Variants in PKIB observed in about 807,000 individuals in gnomAD.
PKIB encodes cAMP-dependent protein kinase inhibitor beta.
PKIB carries 2 observed loss-of-function variants against 4.5 expected under a neutral mutation model. The ratio of observed to expected loss-of-function variants is 0.44; its 90% CI spans 0.18 to 1.39. PKIB has a LOEUF of 1.39. PKIB is among the 40% of genes most tolerant of loss of function. The probability of loss-of-function intolerance (pLI) is 0.27; values close to 1 mark genes in which losing one functional copy is unlikely to be tolerated. For missense variants in PKIB, 94 were observed against 92.6 expected, an observed-to-expected ratio of 1.02 and a Z score of -0.06; for synonymous variants, 38 against 36.0, an observed-to-expected ratio of 1.06 and a Z score of -0.20.
At chr6:122,543,311 A>G (rs1026738427) in intron 2 of PKIB, among the ~76,000 whole-genome samples, 30 of 151,270 alleles carry the variant, frequency 2.0e-4, no homozygotes, top group Non-Finnish European at 3.8e-4. Context: ...TGGGAACTGT[A>G]GACAGGAGCT....
At chr6:122,487,445 G>A (rs1269618265) in intron 2 of PKIB, among the ~76,000 whole-genome samples, 5 of 152,200 alleles carry the variant, frequency 3.3e-5, no homozygotes, top group Non-Finnish European at 2.9e-5. Context: ...CTAATCACCA[G>A]TGTGATGGTA....
intron 2 of PKIB, among the ~76,000 whole-genome samples, chr6:122,525,630 A>G (rs1247400787): frequency 1.3e-5 from 2 of 152,206 alleles, no homozygotes; most frequent in Admixed American, 1.3e-4. Context: ...GTGCAATAAT[A>G]TTATTTCTAA....
At chr6:122,700,502 T>C (rs1778768471) in intron 3 of PKIB, among the ~76,000 whole-genome samples, 1 of 152,156 alleles carries the variant, frequency 6.6e-6, no homozygotes. Flanking sequence ...AAAGGTAACA[T>C]AGGTATTTCT....
intron 2 of PKIB, among the ~76,000 whole-genome samples, chr6:122,637,668 A>G (rs1185645398): frequency 6.6e-6 from 1 of 151,888 alleles, no homozygotes; most frequent in East Asian, 1.9e-4. Flanking sequence ...AGGCAGGAGA[A>G]TGGCCTGAAC....
At chr6:122,497,847 C>T (rs1776119272) in intron 2 of PKIB, among the ~76,000 whole-genome samples, 2 of 152,140 alleles carry the variant, frequency 1.3e-5, no homozygotes, top group Non-Finnish European at 2.9e-5. Context: ...AAATTCAACA[C>T]TTGACCAACT....
At position 122,724,984 on chromosome 6, in the gene PKIB, A is replaced by AT. The variant is rs1779899021; in HGVS notation, c.170-143dup. Reference sequence around the variant, plus strand: ...AAGGTAGATTCCCAAACCTACTCATATCGCTCTTCTTTGTATAGTTTCCAT... The same window carrying AT: ...AAGGTAGATTCCCAAACCTACTCATATTCGCTCTTCTTTGTATAGTTTCCAT... On this transcript the variant is annotated intron_variant, in intron 4 of 4. Coordinates refer to ENST00000368452, the MANE Select transcript of PKIB (RefSeq NM_181795.3). The AT allele has an allele frequency of 1.1e-5, 7 of 630,276 alleles. No individual in the cohort carries two copies. In the South Asian group the frequency reaches 1.3e-4, roughly 11 times the overall value. The allele number at this position is 630,276 out of a possible 1,614,324, so 39.0% of individuals were successfully genotyped here.
chr6:122,713,299 C>G (rs1286800647), intron 3 of PKIB, among the ~76,000 whole-genome samples: 1 of 152,080 alleles, frequency 6.6e-6, no homozygotes, highest in African/African-American at 2.4e-5. Context: ...CATCTAGAGT[C>G]CTTTGTTAAT....
At chr6:122,475,733 C>G (rs1057065464) in intron 1 of PKIB, among the ~76,000 whole-genome samples, 11 of 152,154 alleles carry the variant, frequency 7.2e-5, no homozygotes, top group African/African-American at 2.7e-4. Flanking sequence ...TTGCAGTGAG[C>G]TGAGATCACG....
At chr6:122,605,745 G>A (rs374711674), upstream of PKIB, among the ~76,000 whole-genome samples, 83 of 152,224 alleles carry the variant, frequency 5.5e-4, 1 homozygote, top group South Asian at 0.013. Context: ...CCAGGTACAT[G>A]ACTTCTCAGT....
chr6:122,703,937 T>TAGAGAGAG (rs1277973682), intron 3 of PKIB, among the ~76,000 whole-genome samples: 4 of 130,386 alleles, frequency 3.1e-5, no homozygotes, highest in South Asian at 2.3e-4. Flanking sequence ...TATATATATA[T>TAGAGAGAG]ATATAGAGAG....
At chr6:122,659,282 A>G (rs1021316669) in intron 2 of PKIB, among the ~76,000 whole-genome samples, 9 of 152,200 alleles carry the variant, frequency 5.9e-5, no homozygotes, top group African/African-American at 2.2e-4. Context: ...ATAGAGTTCT[A>G]CGTACATGTG....
At chr6:122,666,952 T>A (rs796997777) in intron 2 of PKIB, among the ~76,000 whole-genome samples, 16 of 134,894 alleles carry the variant, frequency 1.2e-4, no homozygotes, top group African/African-American at 4.4e-4. Flanking sequence ...GTACTAATAT[T>A]TTTTTTTTTA....
At chr6:122,644,550 G>A (rs1776238448) in intron 2 of PKIB, 2 of 152,074 alleles carry the variant, frequency 1.3e-5, no homozygotes, top group African/African-American at 4.8e-5. Context: ...TAATATTAGT[G>A]CCTCTCCCCC....
At chr6:122,515,254 A>C (rs1347190049) in intron 2 of PKIB, among the ~76,000 whole-genome samples, 1 of 152,210 alleles carries the variant, frequency 6.6e-6, no homozygotes, top group Non-Finnish European at 1.5e-5. Context: ...TAAAATACAA[A>C]AATGTGTTTT....
chr6:122,552,481 A>T (rs1469602773), intron 2 of PKIB, among the ~76,000 whole-genome samples: 2 of 151,988 alleles, frequency 1.3e-5, no homozygotes, highest in Non-Finnish European at 2.9e-5. Context: ...GGTTCCAGTG[A>T]TTCTCCTGCC....
rs1398641134 is a variant in PKIB, at chr6:122,472,299, G to T, written c.-337+258G>T. Among the ~76,000 whole-genome samples, 5 of 152,134 alleles carry T rather than the reference G, an allele frequency of 3.3e-5. No homozygotes were observed. In the East Asian group the frequency reaches 9.6e-4, roughly 29 times the overall value. On this transcript the variant is annotated intron_variant, in intron 1 of 6. Coordinates refer to the PKIB transcript ENST00000392491. ...CGCTGCCCGGAACAAGTTTTATTGG[G>T]ATATTTATATTCATCTGTGTGCTTC...
intron 2 of PKIB, among the ~76,000 whole-genome samples, chr6:122,662,616 G>A (rs542190386): frequency 1.4e-4 from 22 of 151,938 alleles, no homozygotes; most frequent in South Asian, 4.2e-4. Context: ...CACCGTGCTC[G>A]GCCTCTTTCT....
At chr6:122,686,190 A>T (rs1390902068) in intron 3 of PKIB, among the ~76,000 whole-genome samples, 1 of 152,204 alleles carries the variant, frequency 6.6e-6, no homozygotes, top group African/African-American at 2.4e-5. Flanking sequence ...TTGCTAGATC[A>T]TATGGTAGCT....
At chr6:122,653,994 C>T (rs867190051) in intron 2 of PKIB, among the ~76,000 whole-genome samples, 58 of 152,158 alleles carry the variant, frequency 3.8e-4, no homozygotes, top group Admixed American at 5.9e-4. Context: ...TGGGGGCATC[C>T]TAACAATCAA....
Sources: gnomAD v4.1 joint callset for allele counts (sites outside exome capture counted in the v4.1 genomes callset) on GRCh38, gnomAD v4.1.1 for gene constraint, MANE v1.5 for transcripts, NCBI Gene and HGNC (gene_info 2026-07-23, HGNC 2026-07-21) for gene names.